The following MLLT10 variants were observed in gnomAD, a reference collection of about 807,000 sequenced individuals.
MLLT10 encodes the protein protein AF-10.
Under a neutral mutation model 129.1 loss-of-function variants are expected in MLLT10, and 30 were observed. The observed-to-expected ratio is 0.23, with a 90% confidence interval of 0.17 to 0.32. The LOEUF is 0.32. Ranked by LOEUF, MLLT10 falls within the 10% of genes least tolerant of loss-of-function variation. The pLI is 1.00. For missense variants in MLLT10, 1,119 were observed against 1,268.3 expected (o/e 0.88, Z 1.79); for synonymous variants, 490 against 446.4 (o/e 1.10, Z -1.23).
chr10:21,682,306 G>T, intron 13 of MLLT10, 49 bp downstream of exon 13: 1 of 1,521,444 alleles, frequency 6.6e-7, no homozygotes. Context: ...CACAAAGGTT[G>T]CCTTTTGTAG....
intron 13 of MLLT10, among the ~76,000 whole-genome samples, chr10:21,713,154 C>T (rs1174235482): frequency 6.6e-6 from 1 of 152,196 alleles, no homozygotes; most frequent in Non-Finnish European, 1.5e-5. Context: ...TCCTCTCCTA[C>T]CCCTGCAGCT....
At chr10:21,636,986 C>T (rs145485396) in intron 8 of MLLT10, among the ~76,000 whole-genome samples, 127 of 152,276 alleles carry the variant, frequency 8.3e-4, no homozygotes, top group African/African-American at 2.7e-3. Context: ...CTTCCTTCCT[C>T]ATAAGGCCTT....
chr10:21,539,556 G>A (rs1290149384), intron 3 of MLLT10, among the ~76,000 whole-genome samples: 2 of 149,616 alleles, frequency 1.3e-5, no homozygotes, highest in East Asian at 2.0e-4. Context: ...GGAGTATCTC[G>A]AGGTCAAAAG....
intron 8 of MLLT10, among the ~76,000 whole-genome samples, chr10:21,632,911 A>G (rs1367018720): frequency 1.3e-5 from 2 of 152,216 alleles, no homozygotes; most frequent in Non-Finnish European, 2.9e-5. Context: ...ATTATAATAC[A>G]TAACCTGATT....
chr10:21,666,091 TTTGA>T (rs890231422), intron 9 of MLLT10, among the ~76,000 whole-genome samples: 2 of 152,182 alleles, frequency 1.3e-5, no homozygotes, highest in African/African-American at 4.8e-5. Context: ...CTGCTGTATG[TTTGA>T]TTGAACTTTT....
chr10:21,610,236 C>G (rs1269297209), intron 5 of MLLT10, among the ~76,000 whole-genome samples: 1 of 152,166 alleles, frequency 6.6e-6, no homozygotes, highest in Non-Finnish European at 1.5e-5. Context: ...GCATTCTTGG[C>G]TTTTTGTGAG....
At chr10:21,541,113 T>TTGC (rs2035069033) in intron 3 of MLLT10, 1 of 151,922 alleles carries the variant, frequency 6.6e-6, no homozygotes, top group South Asian at 2.1e-4. Flanking sequence ...TGAGCTGAGG[T>TTGC]TGCGCCACTG....
At chr10:21,689,559 A>ATATATG (rs1388201534) in intron 13 of MLLT10, among the ~76,000 whole-genome samples, 1 of 92,722 alleles carries the variant, frequency 1.1e-5, no homozygotes, top group Non-Finnish European at 2.2e-5. Flanking sequence ...ATATATATAT[A>ATATATG]TATATGTATA....
At chr10:21,610,924 G>A (rs1482190882) in intron 5 of MLLT10, among the ~76,000 whole-genome samples, 1 of 147,932 alleles carries the variant, frequency 6.8e-6, no homozygotes, top group Non-Finnish European at 1.5e-5. Flanking sequence ...CTTTTTAGAG[G>A]TATAAAATGA....
chr10:21,621,897 T>C (rs2045898117), intron 8 of MLLT10, among the ~76,000 whole-genome samples: 3 of 152,216 alleles, frequency 2.0e-5, no homozygotes, highest in Non-Finnish European at 2.9e-5. Context: ...GATATTGTTA[T>C]TTTATATTTA....
chr10:21,683,312 A>G (rs1264099644), intron 13 of MLLT10, among the ~76,000 whole-genome samples: 2 of 152,166 alleles, frequency 1.3e-5, no homozygotes, highest in Non-Finnish European at 2.9e-5. Flanking sequence ...AAGCTTAGAT[A>G]ATGAATACTC....
intron 3 of MLLT10, among the ~76,000 whole-genome samples, chr10:21,563,757 A>G (rs2039159606): frequency 6.6e-6 from 1 of 151,602 alleles, no homozygotes; most frequent in South Asian, 2.1e-4. Context: ...TCATTTAGTA[A>G]TTTTGATAGG....
At chr10:21,565,795 C>T (rs1457029647) in intron 3 of MLLT10, among the ~76,000 whole-genome samples, 3 of 151,248 alleles carry the variant, frequency 2.0e-5, no homozygotes, top group African/African-American at 7.3e-5. Flanking sequence ...TTGTAGGGAC[C>T]AAGTCTTGTT....
chr10:21,576,922 C>T (rs775196705), intron 3 of MLLT10, among the ~76,000 whole-genome samples: 9 of 152,148 alleles, frequency 5.9e-5, no homozygotes, highest in Admixed American at 6.5e-5. Flanking sequence ...TGGGCCACTG[C>T]GCCCGGCCAA....
At chr10:21,725,917 A>ATT (rs746767110) in intron 14 of MLLT10, among the ~76,000 whole-genome samples, 1 of 151,486 alleles carries the variant, frequency 6.6e-6, no homozygotes, top group Non-Finnish European at 1.5e-5. Flanking sequence ...TGCACGGCTA[A>ATT]TTTTTTGTAT....
intron 8 of MLLT10, among the ~76,000 whole-genome samples, chr10:21,633,475 C>T (rs760573583): frequency 7.9e-5 from 12 of 152,042 alleles, no homozygotes; most frequent in Non-Finnish European, 1.5e-4. Flanking sequence ...GAGGCCAAGG[C>T]GGGTCTAAGA....
chr10:21,595,149 CT>C (rs889421422), intron 4 of MLLT10, among the ~76,000 whole-genome samples, 181 bp from the exon 5 acceptor site: 3 of 151,792 alleles, frequency 2.0e-5, no homozygotes, highest in Admixed American at 6.6e-5. Context: ...ATTAAGAATG[CT>C]TTTTTTTGGT....
chr10:21,636,082 TAAGAC>T (rs1198354999), intron 8 of MLLT10, among the ~76,000 whole-genome samples: 2 of 152,110 alleles, frequency 1.3e-5, no homozygotes, highest in African/African-American at 4.8e-5. Context: ...CTTTGACTTA[TAAGAC>T]TCATACTGTA....
chr10:21,558,106 C>T (rs1317024888), intron 3 of MLLT10, among the ~76,000 whole-genome samples: 1 of 151,508 alleles, frequency 6.6e-6, no homozygotes, highest in Non-Finnish European at 1.5e-5. Flanking sequence ...CCTGCCACCA[C>T]GTCCAGCTAA....
Sources: gnomAD v4.1 joint callset for allele counts (sites outside exome capture counted in the v4.1 genomes callset) on GRCh38, gnomAD v4.1.1 for gene constraint, MANE v1.5 for transcripts, NCBI Gene and HGNC (gene_info 2026-07-23, HGNC 2026-07-21) for gene names.